DNAJA3: variants seen among roughly 807,000 people sequenced by gnomAD.
DNAJA3 encodes dnaJ homolog subfamily A member 3, mitochondrial.
In DNAJA3, 29 loss-of-function variants were observed where a neutral mutation model predicts 54.9. The ratio of observed to expected loss-of-function variants is 0.53; its 90% CI spans 0.39 to 0.72. DNAJA3 has a LOEUF of 0.72. Among genes scored for constraint, DNAJA3 ranks in the 30% least tolerant of loss-of-function variants. DNAJA3 has a pLI of 0.00. For synonymous variants in DNAJA3, 302 were observed against 251.4 expected, an observed-to-expected ratio of 1.20 and a Z score of -1.90; for missense variants, 708 against 639.4, an observed-to-expected ratio of 1.11 and a Z score of -1.16.
chr16:4,429,217 G>A (rs1320858498), intron 1 of DNAJA3, among the ~76,000 whole-genome samples: 2 of 149,182 alleles, frequency 1.3e-5, no homozygotes, highest in African/African-American at 2.5e-5. Flanking sequence ...GTTTGAGACG[G>A]AGTCTTGCTC....
chr16:4,441,506 G>A lies in DNAJA3; in HGVS notation c.561G>A (p.Arg187=). The part of the protein sequence containing the change: ...GPTVDPEELF[R]KIFGEFSSSS... ...CTGTGGACCCCGAGGAGCTGTTCAG[G>A]AAGATCTTTGGCGAGTTCTCATCCT... Residue 187 remains arginine, a synonymous_variant, in exon 4 of 12, where the codon AGG becomes AGA. Transcript: ENST00000262375. 1.2e-6 allele frequency: 2 copies of A among 1,614,204 alleles called. No homozygotes were observed. The highest frequency in any genetic ancestry group is 1.7e-6 in the Non-Finnish European group (2 of 1,180,040).
intron 1 of DNAJA3, 38 bp from the exon 2 acceptor site, chr16:4,434,346 C>A (rs780722444): frequency 2.5e-6 from 4 of 1,603,720 alleles, no homozygotes; most frequent in Non-Finnish European, 3.4e-6. Flanking sequence ...TTGTTGAGAA[C>A]ATTCCCAGAG....
In DNAJA3 at chr16:4,441,465, T is replaced by C; in HGVS notation, c.520T>C (p.Trp174Arg). Reference sequence around the variant, plus strand: ...GGCCAGCGGCTCCCAGCATAGCTACTGGAAGGGAGGCCCCACTGTGGACCC... The same window carrying C: ...GGCCAGCGGCTCCCAGCATAGCTACCGGAAGGGAGGCCCCACTGTGGACCC... The part of the protein sequence containing the change: ...PGASGSQHSY[W>R]KGGPTVDPEE... Residue 174 changes from tryptophan (W) to arginine (R), a missense_variant, in exon 4 of 12, where the codon TGG (tryptophan) becomes CGG (arginine). Physicochemically the swap from Trp to Arg is moderately radical, Grantham distance 101. Coordinates refer to ENST00000262375, the MANE Select transcript of DNAJA3 (RefSeq NM_005147.6). The C allele has an allele frequency of 6.2e-7, 1 of 1,614,178 alleles. No individual in the cohort carries two copies. The highest frequency in any genetic ancestry group is 8.5e-7 in the Non-Finnish European group (1 of 1,180,022).
chr16:4,452,292 A>G (rs552155278), intron 10 of DNAJA3, among the ~76,000 whole-genome samples: 12 of 152,000 alleles, frequency 7.9e-5, no homozygotes, highest in Non-Finnish European at 1.8e-4. Flanking sequence ...CCCTACAATC[A>G]CATAACATGC....
At chr16:4,438,635 C>CTTTTTTTT (rs56211652) in intron 3 of DNAJA3, among the ~76,000 whole-genome samples, 113 of 110,626 alleles carry the variant, frequency 1.0e-3, no homozygotes, top group African/African-American at 1.5e-3. Context: ...ACAATCTTTT[C>CTTTTTTTT]TTTTTTTTTT....
chr16:4,438,132 C>T (rs1377731086), intron 3 of DNAJA3, among the ~76,000 whole-genome samples: 4 of 151,862 alleles, frequency 2.6e-5, no homozygotes, highest in Non-Finnish European at 4.4e-5. Flanking sequence ...CCGGCTAACA[C>T]GGTGAAACCC....
rs1246702493 is a variant in DNAJA3, at chr16:4,437,471, G to A, written c.415G>A (p.Ala139Thr). 6.2e-7 allele frequency: 1 copy of A among 1,613,886 alleles called. No individual in the cohort carries two copies. Among genetic ancestry groups the A allele is most frequent in the Non-Finnish European group, 8.5e-7 (1 of 1,179,958 alleles). Reference sequence around the variant, plus strand: ...AGCCAAGGAGAAGTTCTCCCAGCTGGCAGAAGCCTATGAGGTAATATGACT... The same window carrying A: ...AGCCAAGGAGAAGTTCTCCCAGCTGACAGAAGCCTATGAGGTAATATGACT... ...PKAKEKFSQL[A>T]EAYEVLSDEV... Residue 139 changes from alanine to threonine, a missense_variant, in exon 3 of 12, where the codon GCA (alanine) becomes ACA (threonine). Transcript: ENST00000262375.
chr16:4,443,365 A>G (rs1196543917), intron 6 of DNAJA3, among the ~76,000 whole-genome samples: 1 of 152,094 alleles, frequency 6.6e-6, no homozygotes. Context: ...TGTTTCTGCC[A>G]GTTATCCTTA....
At chr16:4,443,749 C>T (rs899800224) in intron 6 of DNAJA3, among the ~76,000 whole-genome samples, 11 of 151,956 alleles carry the variant, frequency 7.2e-5, no homozygotes, top group African/African-American at 2.2e-4. Context: ...CGCAGTGGCC[C>T]GATCTCGGCC....
At chr16:4,437,797 A>AG (rs1238797046) in intron 3 of DNAJA3, among the ~76,000 whole-genome samples, 17 of 151,282 alleles carry the variant, frequency 1.1e-4, no homozygotes, top group African/African-American at 4.1e-4. Flanking sequence ...AAAAAAAAAA[A>AG]AAAAAATCAC....
At chr16:4,455,068 C>CT in intron 11 of DNAJA3, 141 bp downstream of exon 11, 3 of 646,700 alleles carry the variant, frequency 4.6e-6, no homozygotes, top group Non-Finnish European at 8.2e-6. Context: ...AACCTAGCTC[C>CT]ACTAGGAGCT....
In DNAJA3 at chr16:4,454,736, G is replaced by C. The variant is rs564710361; in HGVS notation, c.1340-75G>C. The C allele has an allele frequency of 4.3e-6, 5 of 1,164,512 alleles. No individual in the cohort carries two copies. The African/African-American group carries it at 7.7e-5, about 18-fold the overall frequency. The allele number at this position is 1,164,512 out of a possible 1,614,324, so 72.1% of individuals were successfully genotyped here. On this transcript the variant is annotated intron_variant, in intron 10 of 11. Coordinates refer to ENST00000262375, the MANE Select transcript of DNAJA3 (RefSeq NM_005147.6). ...CGTGGGCCCCTGGGTGGCCAGGCGG[G>C]GGTAGGTGGGCCCTGGGATGTGACT... is the stretch of plus-strand genomic sequence containing the variant.
In DNAJA3 at chr16:4,454,849, A is replaced by G; in HGVS notation, c.1378A>G (p.Arg460Gly). The change falls in exon 11 of 12, where the codon AGG becomes GGG. Residue 460 changes from arginine (R) to glycine (G), a missense_variant. Coordinates refer to ENST00000262375, the MANE Select transcript of DNAJA3 (RefSeq NM_005147.6). ...TMDSSAGSKA[R>G]REAGEDEEGF... Reference sequence around the variant, plus strand: ...GGATAGCTCCGCAGGAAGCAAGGCTAGGCGTGAGGCTGGGGAGGACGAGGA... The same window carrying G: ...GGATAGCTCCGCAGGAAGCAAGGCTGGGCGTGAGGCTGGGGAGGACGAGGA... 6.2e-7 allele frequency: 1 copy of G among 1,614,098 alleles called. No individual in the cohort carries two copies. The highest frequency in any genetic ancestry group is 8.5e-7 in the Non-Finnish European group (1 of 1,179,966).
rs140567065 is a variant in DNAJA3, at chr16:4,428,247, G to A, written c.211+2155G>A. Among the ~76,000 whole-genome samples, 746 of 152,108 alleles carry A rather than the reference G, an allele frequency of 4.9e-3. 7 individuals carry two copies. The highest frequency in any genetic ancestry group is 0.017 in the African/African-American group (707 of 41,510). ...ATTACAGGCTTGAGCCACCGCGACCGGCCTTATTTTTATTTTGAGATGGAC... is the reference window on the plus strand; with the variant it reads ...ATTACAGGCTTGAGCCACCGCGACCAGCCTTATTTTTATTTTGAGATGGAC... On this transcript the variant is annotated intron_variant, in intron 1 of 11. Coordinates refer to ENST00000262375, the MANE Select transcript of DNAJA3 (RefSeq NM_005147.6).
chr16:4,454,860 T>G lies in DNAJA3; in HGVS notation c.1389T>G (p.Ala463=). ...CAGGAAGCAAGGCTAGGCGTGAGGC[T>G]GGGGAGGACGAGGAGGGATTCCTTT... ...SSAGSKARRE[A]GEDEEGFLSK... Residue 463 remains alanine, a synonymous_variant, in exon 11 of 12, where the codon GCT becomes GCG. Coordinates refer to ENST00000262375, the MANE Select transcript of DNAJA3 (RefSeq NM_005147.6). 4 of 1,614,138 alleles carry G rather than the reference T, an allele frequency of 2.5e-6. No homozygotes were observed. Among genetic ancestry groups the G allele is most frequent in the Non-Finnish European group, 3.4e-6 (4 of 1,179,996 alleles).
intron 2 of DNAJA3, 152 bp downstream of exon 2, chr16:4,434,669 C>G (rs999896539): frequency 1.0e-6 from 1 of 987,866 alleles, no homozygotes; most frequent in Non-Finnish European, 1.5e-6. Context: ...CTTTGCTAGA[C>G]TGTTTTTCGA....
rs559211238 is a variant in DNAJA3, at chr16:4,434,596, C to T, written c.345+79C>T. On this transcript the variant is annotated intron_variant, in intron 2 of 11. Coordinates refer to ENST00000262375, the MANE Select transcript of DNAJA3 (RefSeq NM_005147.6). ...TCCCATGTGATCCTGATCAGTACAGCGTATGTGCCCATATGAATAGGTCTC... is the reference window on the plus strand; with the variant it reads ...TCCCATGTGATCCTGATCAGTACAGTGTATGTGCCCATATGAATAGGTCTC... 8.4e-5 allele frequency: 127 copies of T among 1,515,332 alleles called. No homozygotes were observed. The African/African-American group carries it at 1.6e-3, about 19-fold the overall frequency. 93.9% of individuals were successfully genotyped at this position (1,515,332 alleles called of 1,614,324 possible).
intron 10 of DNAJA3, among the ~76,000 whole-genome samples, chr16:4,452,604 C>T (rs2056991329): frequency 6.6e-6 from 1 of 152,150 alleles, no homozygotes; most frequent in Admixed American, 6.6e-5. Context: ...ACTGTCAGCT[C>T]TTCCTTTTAA....
At chr16:4,434,245 T>G in intron 1 of DNAJA3, 139 bp from the exon 2 acceptor site, 3 of 914,262 alleles carry the variant, frequency 3.3e-6, no homozygotes, top group Non-Finnish European at 4.9e-6. Flanking sequence ...AAATTCTAGT[T>G]GAGATCTGGG....
Sources: allele counts gnomAD v4.1 joint callset (sites outside exome capture counted in the v4.1 genomes callset), GRCh38; gene constraint gnomAD v4.1.1; transcripts MANE v1.5; gene names NCBI Gene and HGNC (gene_info 2026-07-23, HGNC 2026-07-21).